NCALD: variants seen among roughly 807,000 people sequenced by gnomAD.
The protein encoded by NCALD is neurocalcin delta, also known as neurocalcin-delta.
Under a neutral mutation model 18.6 loss-of-function variants are expected in NCALD, and 10 were observed. The ratio of observed to expected loss-of-function variants is 0.54; its 90% CI spans 0.33 to 0.91. The LOEUF (loss-of-function observed/expected upper bound fraction) is 0.91, where lower values mean the gene tolerates loss of function less well. NCALD is among the 40% of genes least tolerant of loss of function. The pLI, the probability that NCALD is intolerant of heterozygous loss-of-function variation, is 0.03. For missense variants in NCALD, 184 were observed against 247.6 expected (o/e 0.74, Z 1.72); for synonymous variants, 88 against 87.4 (o/e 1.01, Z -0.04).
At chr8:101,939,101 A>C (rs778154846) in intron 2 of NCALD, among the ~76,000 whole-genome samples, 16 of 152,228 alleles carry the variant, frequency 1.1e-4, no homozygotes, top group Non-Finnish European at 2.4e-4. Context: ...AAAGTCTTCT[A>C]CTTTAGTCAA....
chr8:101,890,880 G>C (rs1435964631), intron 3 of NCALD, among the ~76,000 whole-genome samples: 1 of 152,160 alleles, frequency 6.6e-6, no homozygotes, highest in Non-Finnish European at 1.5e-5. Flanking sequence ...ATAGCAAAAA[G>C]CTAGATTTAA....
intron 2 of NCALD, among the ~76,000 whole-genome samples, chr8:102,012,591 C>T (rs1821943133): frequency 6.6e-6 from 1 of 152,196 alleles, no homozygotes; most frequent in Non-Finnish European, 1.5e-5. Flanking sequence ...GGAGCTACTG[C>T]CCAGTCATCT....
Position 101,709,449 on chromosome 8 carries a change from G to A in NCALD, c.378+9803C>T, listed in dbSNP as rs556164289. On this transcript the variant is annotated intron_variant, in intron 2 of 3. Coordinates refer to ENST00000220931, the MANE Select transcript of NCALD (RefSeq NM_032041.3). ...GAGTTGTAAGGATAAAGAATGCAGC[G>A]TGTATACATATAGTCAATGAGAATC... 1.9e-3 allele frequency among the ~76,000 whole-genome samples: 289 copies of A among 152,308 alleles called. 1 individual carries two copies. Among genetic ancestry groups the A allele is most frequent in the African/African-American group, 6.5e-3 (271 of 41,564 alleles).
intron 4 of NCALD, among the ~76,000 whole-genome samples, chr8:101,886,415 T>G (rs543539014): frequency 1.9e-4 from 29 of 152,328 alleles, no homozygotes; most frequent in African/African-American, 6.7e-4. Flanking sequence ...ATGACTTTTT[T>G]CCAAACAGGC....
intron 1 of NCALD, among the ~76,000 whole-genome samples, chr8:101,739,839 T>G (rs1810108308): frequency 6.6e-6 from 1 of 152,162 alleles, no homozygotes; most frequent in South Asian, 2.1e-4. Context: ...GGACTTCACC[T>G]TGTGATTGTG....
chr8:102,116,848 T>G (rs1318763570), intron 1 of NCALD, among the ~76,000 whole-genome samples: 2 of 151,982 alleles, frequency 1.3e-5, no homozygotes, highest in Non-Finnish European at 2.9e-5. Flanking sequence ...AATATGACCT[T>G]ATTTGGAAAA....
intron 2 of NCALD, among the ~76,000 whole-genome samples, chr8:101,988,965 G>C (rs1185731335): frequency 4.0e-5 from 6 of 150,868 alleles, no homozygotes; most frequent in Non-Finnish European, 8.8e-5. Flanking sequence ...TGGAAAGAGA[G>C]ATGGAGAGGC....
rs531690930 is a variant in NCALD, at chr8:101,918,332, A to G, written c.-156-2474T>C. Among the ~76,000 whole-genome samples the G allele has an allele frequency of 6.6e-5, 10 of 152,282 alleles. No individual in the cohort carries two copies. The South Asian group carries it at 1.2e-3, about 19-fold the overall frequency. Reference sequence around the variant, plus strand: ...ACTAGGCATTGAAAGAACATACCTCAAAATATTAAGAGCCATCTATGGTAA... The same window carrying G: ...ACTAGGCATTGAAAGAACATACCTCGAAATATTAAGAGCCATCTATGGTAA... On this transcript the variant is annotated intron_variant, in intron 2 of 6. Coordinates refer to the NCALD transcript ENST00000311028.
chr8:101,691,024 G>C, intron 3 of NCALD: 1 of 985,378 alleles, frequency 1.0e-6, no homozygotes, highest in Non-Finnish European at 1.2e-6. Flanking sequence ...TTTTCAAATC[G>C]GAGGCCAGAA....
intron 2 of NCALD, among the ~76,000 whole-genome samples, chr8:101,977,649 C>T (rs1312830514): frequency 6.6e-6 from 1 of 152,174 alleles, no homozygotes. Flanking sequence ...ACAACTCCAC[C>T]ATCCGTCCTT....
chr8:101,957,587 T>A (rs150799682), intron 2 of NCALD, among the ~76,000 whole-genome samples: 1 of 152,036 alleles, frequency 6.6e-6, no homozygotes, highest in African/African-American at 2.4e-5. Context: ...CTACCAAAAA[T>A]AGTTGGAGTC....
intron 1 of NCALD, among the ~76,000 whole-genome samples, chr8:101,732,518 A>T (rs536717972): frequency 6.6e-6 from 1 of 151,550 alleles, no homozygotes; most frequent in South Asian, 2.1e-4. Flanking sequence ...TAAAAATAGT[A>T]TCCTACATAG....
intron 1 of NCALD, among the ~76,000 whole-genome samples, chr8:101,724,165 T>A (rs1433343875): frequency 2.0e-5 from 3 of 152,222 alleles, no homozygotes; most frequent in Non-Finnish European, 4.4e-5. Flanking sequence ...GACCATAAAG[T>A]GGATAATGCT....
chr8:102,059,764 C>G (rs1111907), intron 1 of NCALD, among the ~76,000 whole-genome samples: 7,591 of 152,238 alleles, frequency 0.05, 271 homozygotes, highest in South Asian at 0.11. Flanking sequence ...GCCCTGAACA[C>G]CCCACTCCCT....
At chr8:101,873,564 G>A (rs1439742011) in intron 4 of NCALD, among the ~76,000 whole-genome samples, 2 of 152,154 alleles carry the variant, frequency 1.3e-5, no homozygotes, top group Non-Finnish European at 2.9e-5. Context: ...ATATAAAGAA[G>A]GAGTGGTTTA....
chr8:102,118,168 A>C (rs1387076963), intron 1 of NCALD, among the ~76,000 whole-genome samples: 1 of 152,228 alleles, frequency 6.6e-6, no homozygotes, highest in African/African-American at 2.4e-5. Context: ...AGAGAGTGGA[A>C]GAGAGTGGCT....
chr8:102,002,634 A>T (rs1465044635), intron 2 of NCALD, among the ~76,000 whole-genome samples: 2 of 152,086 alleles, frequency 1.3e-5, no homozygotes, highest in Non-Finnish European at 2.9e-5. Flanking sequence ...GAAGTAAAGC[A>T]CTCCTCAGCA....
intron 2 of NCALD, among the ~76,000 whole-genome samples, chr8:101,990,934 T>C (rs1821023484): frequency 6.6e-6 from 1 of 152,176 alleles, no homozygotes; most frequent in African/African-American, 2.4e-5. Flanking sequence ...AACTAAAACC[T>C]GAATGCCCAC....
chr8:101,797,599 C>T (rs955476212), intron 4 of NCALD, among the ~76,000 whole-genome samples: 11 of 152,206 alleles, frequency 7.2e-5, no homozygotes, highest in Middle Eastern at 3.4e-3. Context: ...AGGCAGATCA[C>T]GAGGTCAAGA....
Sources: allele counts gnomAD v4.1 joint callset (sites outside exome capture counted in the v4.1 genomes callset), GRCh38; gene constraint gnomAD v4.1.1; transcripts MANE v1.5; gene names NCBI Gene and HGNC (gene_info 2026-07-23, HGNC 2026-07-21).